Variants in RPAIN observed in about 807,000 individuals in gnomAD.
RPAIN encodes RPA-interacting protein.
In RPAIN, 29 loss-of-function variants were observed where a neutral mutation model predicts 30.5. The observed-to-expected ratio is 0.95, with a 90% CI of 0.71 to 1.30. The LOEUF (loss-of-function observed/expected upper bound fraction) is 1.30. RPAIN is among the 50% of genes most tolerant of loss of function. The pLI is 0.00. For synonymous variants in RPAIN, 101 were observed against 93.5 expected (o/e 1.08, Z -0.46); for missense variants, 247 against 264.7 (o/e 0.93, Z 0.46).
At chr17:5,422,113 G>A (rs1914924100) in intron 2 of RPAIN, among the ~76,000 whole-genome samples, 1 of 152,182 alleles carries the variant, frequency 6.6e-6, no homozygotes, top group Admixed American at 6.5e-5. Context: ...GCCATGTGTG[G>A]AAGGGAAAAC....
intron 6 of RPAIN, chr17:5,428,583 G>A: frequency 9.4e-7 from 1 of 1,062,310 alleles, no homozygotes; most frequent in Non-Finnish European, 1.2e-6. Context: ...AGCATAGCAG[G>A]GCAGCATTAG....
intron 1 of RPAIN, among the ~76,000 whole-genome samples, 163 bp from the exon 2 acceptor site, chr17:5,421,133 A>T (rs1026281018): frequency 6.6e-6 from 1 of 152,256 alleles, no homozygotes; most frequent in Non-Finnish European, 1.5e-5. Flanking sequence ...TTGTAATTTT[A>T]TGTATCTCTA....
rs1915234780 is a variant in RPAIN at position 5,424,974 on chromosome 17, G to C, written c.314-997G>C. ...GATTTACTGTGTTGTGCTGTACTCAGCCATAAGGAACATTCTAAAGCAGAA... is the reference window on the plus strand; with the variant it reads ...GATTTACTGTGTTGTGCTGTACTCACCCATAAGGAACATTCTAAAGCAGAA... On this transcript the variant is annotated intron_variant, in intron 3 of 6. Coordinates refer to ENST00000381209, the MANE Select transcript of RPAIN (RefSeq NM_001033002.4). 2.0e-5 allele frequency among the ~76,000 whole-genome samples: 3 copies of C among 152,196 alleles called. No homozygotes were observed. In the South Asian group the frequency reaches 6.2e-4, roughly 31 times the overall value.
chr17:5,423,021 C>T (rs2189338), intron 3 of RPAIN, 192 bp downstream of exon 3: 214,150 of 492,550 alleles, frequency 0.43, 54,566 homozygotes, highest in East Asian at 0.97. Context: ...GGTGCTAGAC[C>T]TTGTGCTAAG....
intron 6 of RPAIN, chr17:5,428,978 T>C: frequency 1.0e-6 from 1 of 962,532 alleles, no homozygotes. Context: ...AGGTCATTTT[T>C]ATTATAAGCA....
intron 5 of RPAIN, chr17:5,426,801 C>T (rs915263871): frequency 9.2e-5 from 14 of 152,322 alleles, no homozygotes; most frequent in East Asian, 3.9e-4. Context: ...CCACCACGCC[C>T]GGCTAATTTT....
At chr17:5,427,477 C>T (rs1213444711) in intron 5 of RPAIN, 2 of 153,100 alleles carry the variant, frequency 1.3e-5, no homozygotes, top group African/African-American at 4.8e-5. Flanking sequence ...AATACATAGT[C>T]CAGAGTTTCC....
At chr17:5,425,429 G>A (rs1428911057) in intron 3 of RPAIN, 21 of 431,238 alleles carry the variant, frequency 4.9e-5, no homozygotes, top group South Asian at 2.9e-4. Flanking sequence ...TCCGCCTCCT[G>A]GGTTCAAGTG....
intron 2 of RPAIN, 196 bp downstream of exon 2, chr17:5,421,662 C>T (rs1052665765): frequency 6.7e-6 from 3 of 450,870 alleles, no homozygotes; most frequent in Non-Finnish European, 1.2e-5. Flanking sequence ...AATACCAGAC[C>T]GTAGACCTGC....
chr17:5,428,500 G>T, intron 6 of RPAIN: 1 of 1,396,870 alleles, frequency 7.2e-7, no homozygotes, highest in Admixed American at 3.0e-5. Context: ...TTTGGATTCA[G>T]CTGGTCATTT....
Position 5,421,461 on chromosome 17 carries a change from G to A in RPAIN, c.247G>A (p.Ala83Thr), listed in dbSNP as rs1425626662. 4.3e-6 allele frequency: 7 copies of A among 1,613,730 alleles called. No individual in the cohort carries two copies. In the African/African-American group the frequency reaches 9.4e-5, roughly 22 times the overall value. Reference sequence around the variant, plus strand: ...AGTGGAGAATTGTCCAGAAGACTTGGCTCAGGTCAGGCTGGGCTATGTGTT... The same window carrying A: ...AGTGGAGAATTGTCCAGAAGACTTGACTCAGGTCAGGCTGGGCTATGTGTT... ...QSVENCPEDL[A>T]QLEELIDMAV... The change falls in exon 2 of 7, where the codon GCT becomes ACT. Residue 83 changes from alanine to threonine, a missense_variant. Transcript: ENST00000381209.
rs12761 is a variant in RPAIN, at chr17:5,422,825, C to G, written c.309C>G (p.Asn103Lys). Residue 103 changes from asparagine (N) to lysine (K), a missense_variant, in exon 3 of 7, where the codon AAC (asparagine) becomes AAG (lysine). Transcript: ENST00000381209. The part of the protein sequence containing the change: ...VLEEIQQELI[N>K]QEQSIISEYE... Reference sequence around the variant, plus strand: ...AGGAAATTCAACAGGAGCTGATCAACCAAGGTAACCCCTAGTGGTAGTCCT... The same window carrying G: ...AGGAAATTCAACAGGAGCTGATCAAGCAAGGTAACCCCTAGTGGTAGTCCT... 0.3 allele frequency: 483,042 copies of G among 1,591,456 alleles called. 85,380 individuals are homozygous for G. Among genetic ancestry groups the G allele is most frequent in the East Asian group, 0.81 (35,959 of 44,658 alleles).
At position 5,420,221 on chromosome 17, in the gene RPAIN, C is replaced by T. The variant is rs758174011; in HGVS notation, c.11C>T (p.Ser4Leu). 2.5e-6 allele frequency: 4 copies of T among 1,613,744 alleles called. No homozygotes were observed. Among genetic ancestry groups the T allele is most frequent in the East Asian group, 2.2e-5 (1 of 44,854 alleles). Residue 4 changes from serine to leucine, a missense_variant, in exon 1 of 7, where the codon TCG becomes TTG. Transcript: ENST00000381209. MAE[S>L]LRSPRRSLYK... ...TCCCGCGAAGAGGAGATGGCGGAGT[C>T]GTTGAGGTCTCCGCGCCGCTCCCTG...
intron 6 of RPAIN, chr17:5,431,230 T>C (rs1042074008): frequency 9.1e-5 from 32 of 352,646 alleles, no homozygotes; most frequent in Non-Finnish European, 1.3e-4. Flanking sequence ...TTCACACCTG[T>C]AACCCCAGCA....
chr17:5,428,407 G>T, intron 6 of RPAIN, 196 bp downstream of exon 6: 1 of 1,472,996 alleles, frequency 6.8e-7, no homozygotes, highest in South Asian at 1.4e-5. Flanking sequence ...GGAAGAGGCA[G>T]CATGGGATCA....
Position 5,421,432 on chromosome 17 carries a change from A to T in RPAIN, c.218A>T (p.Gln73Leu). The T allele has an allele frequency of 6.2e-7, 1 of 1,614,102 alleles. No individual in the cohort carries two copies. Among genetic ancestry groups the T allele is most frequent in the Non-Finnish European group, 8.5e-7 (1 of 1,180,004 alleles). The change falls in exon 2 of 7, where the codon CAG (glutamine) becomes CTG (leucine). Residue 73 changes from glutamine to leucine, a missense_variant. Coordinates refer to ENST00000381209, the MANE Select transcript of RPAIN (RefSeq NM_001033002.4). ...EVMEEEWNALQSVENCPEDLA... is the reference protein window; with the variant it reads ...EVMEEEWNALLSVENCPEDLA... ...ATGGAAGAAGAGTGGAATGCTTTGC[A>T]GTCAGTGGAGAATTGTCCAGAAGAC...
chr17:5,420,322 C>G (rs1484274562), intron 1 of RPAIN, 31 bp downstream of exon 1: 4 of 1,586,396 alleles, frequency 2.5e-6, no homozygotes, highest in Non-Finnish European at 8.6e-7. Context: ...GTGGTCTACC[C>G]TAGATCGTCC....
intron 6 of RPAIN, 190 bp downstream of exon 6, chr17:5,428,401 G>GCC (rs1915608658): frequency 6.8e-7 from 1 of 1,477,918 alleles, no homozygotes; most frequent in Non-Finnish European, 8.9e-7. Context: ...AAGAAGGGAA[G>GCC]AGGCAGCATG....
chr17:5,432,836 A>C lies in RPAIN; in HGVS notation c.*265A>C, dbSNP rs934462107. On this transcript the variant is annotated 3_prime_UTR_variant, in exon 7 of 7. Coordinates refer to ENST00000381209, the MANE Select transcript of RPAIN (RefSeq NM_001033002.4). ...TTATACAAAAATCTAGAAATAATAGATTTGTACAGAAAAAAATGATAATAA... is the reference window on the plus strand; with the variant it reads ...TTATACAAAAATCTAGAAATAATAGCTTTGTACAGAAAAAAATGATAATAA... 2 of 927,688 alleles carry C rather than the reference A, an allele frequency of 2.2e-6. No homozygotes were observed. Among genetic ancestry groups the C allele is most frequent in the Non-Finnish European group, 3.1e-6 (2 of 650,546 alleles). 57.5% of individuals were successfully genotyped at this position (927,688 alleles called of 1,614,324 possible).
Sources: allele counts gnomAD v4.1 joint callset (sites outside exome capture counted in the v4.1 genomes callset), GRCh38; gene constraint gnomAD v4.1.1; transcripts MANE v1.5; gene names NCBI Gene and HGNC (gene_info 2026-07-23, HGNC 2026-07-21).